The following DCUN1D2 variants were observed in gnomAD, a reference collection of about 807,000 sequenced individuals.
DCUN1D2 encodes defective in cullin neddylation 1 domain containing 2, also known as DCN1-like protein 2.
A neutral mutation model predicts 30.9 loss-of-function variants in DCUN1D2; 29 were observed. The ratio of observed to expected loss-of-function variants is 0.94; its 90% CI spans 0.70 to 1.28. The LOEUF is 1.28. DCUN1D2 is among the 50% of genes most tolerant of loss of function. The probability of loss-of-function intolerance (pLI) is 0.00; values close to 1 mark genes in which losing one functional copy is unlikely to be tolerated. For missense variants in DCUN1D2, 325 were observed against 316.9 expected (o/e 1.03, Z -0.19); for synonymous variants, 121 against 115.3 (o/e 1.05, Z -0.32).
chr13:113,484,028 T>C lies in DCUN1D2; in HGVS notation c.32A>G (p.Lys11Arg), dbSNP rs766096812. MHKLKSSQKD[K>R]VRQFMACTQA... ...AGTGCACGCCATAAACTGGCGGACCTTGTCCTTCTGAGACGATTTAAGCTT... is the reference window on the plus strand; with the variant it reads ...AGTGCACGCCATAAACTGGCGGACCCTGTCCTTCTGAGACGATTTAAGCTT... The change falls in exon 2 of 7, where the codon AAG (lysine) becomes AGG (arginine). Residue 11 changes from lysine (K) to arginine (R), a missense_variant. Lys to Arg is a conservative substitution (Grantham distance 26). Coordinates refer to ENST00000478244, the MANE Select transcript of DCUN1D2 (RefSeq NM_001014283.2). 1.9e-6 allele frequency: 3 copies of C among 1,614,082 alleles called. No homozygotes were observed. Among genetic ancestry groups the C allele is most frequent in the South Asian group, 1.1e-5 (1 of 91,088 alleles).
rs773238030 is a variant in DCUN1D2, at chr13:113,459,347, A to G, written c.665T>C (p.Met222Thr). The change falls in exon 6 of 7, where the codon ATG becomes ACG. Residue 222 changes from methionine (M) to threonine (T), a missense_variant. Coordinates refer to ENST00000478244, the MANE Select transcript of DCUN1D2 (RefSeq NM_001014283.2). ...GTAGTTAGACATATCATCCGCAATC[A>G]TGTTTCCAAAGTCCAGCAGGAGGTT... ...TWNLLLDFGN[M>T]IADDMSNYDE... 6 of 1,604,392 alleles carry G rather than the reference A, an allele frequency of 3.7e-6. No individual in the cohort carries two copies. Among genetic ancestry groups the G allele is most frequent in the Non-Finnish European group, 4.3e-6 (5 of 1,171,506 alleles).
intron 2 of DCUN1D2, among the ~76,000 whole-genome samples, chr13:113,481,506 G>A (rs919892029): frequency 1.3e-5 from 2 of 152,168 alleles, no homozygotes; most frequent in Admixed American, 1.3e-4. Context: ...GAAAGATTAG[G>A]TATGATAAAC....
intron 3 of DCUN1D2, among the ~76,000 whole-genome samples, chr13:113,474,820 T>A (rs982157792): frequency 6.6e-6 from 1 of 152,224 alleles, no homozygotes; most frequent in African/African-American, 2.4e-5. Flanking sequence ...TGTCCCATCA[T>A]ACAAGCGAAA....
In DCUN1D2 at chr13:113,458,065, C is replaced by T. The variant is rs1334480160; in HGVS notation, c.744G>A (p.Arg248=). 8 of 1,614,044 alleles carry T rather than the reference C, an allele frequency of 5.0e-6. No homozygotes were observed. The highest frequency in any genetic ancestry group is 6.8e-6 in the Non-Finnish European group (8 of 1,180,026). ...TGCGTTTTCCACCTGTGACTACTGG[C>T]CGTGCATATTCTACAAAATCATCTA... ...VLIDDFVEYA[R]PVVTGGKRSL... is the part of the protein sequence containing the mutation. Residue 248 remains arginine (R), a synonymous_variant, in exon 7 of 7, where the codon CGG becomes CGA. Coordinates refer to ENST00000478244, the MANE Select transcript of DCUN1D2 (RefSeq NM_001014283.2).
At chr13:113,474,275 T>C (rs1239328613) in intron 3 of DCUN1D2, 21 bp from the exon 4 acceptor site, 5 of 1,611,968 alleles carry the variant, frequency 3.1e-6, no homozygotes, top group East Asian at 4.5e-5. Context: ...AGAGAGTGGT[T>C]TGTCTTGCAG....
intron 2 of DCUN1D2, among the ~76,000 whole-genome samples, chr13:113,482,054 T>C (rs567386047): frequency 3.1e-4 from 47 of 152,328 alleles, no homozygotes; most frequent in Non-Finnish European, 5.4e-4. Context: ...TGAATAGAAA[T>C]ATTGATCTAC....
chr13:113,469,814 G>C (rs2044472001), intron 4 of DCUN1D2, among the ~76,000 whole-genome samples: 1 of 152,140 alleles, frequency 6.6e-6, no homozygotes, highest in Non-Finnish European at 1.5e-5. Context: ...ACTCCAGCCT[G>C]GGCAAGAGAG....
chr13:113,488,319 C>T lies in DCUN1D2; in HGVS notation c.3+2348G>A, dbSNP rs2139753819. ...AGCAAGAGAAGCTTTGGGGTCTAGG[C>T]TTAGTCCATTAACAGGCCTCTGGTC... On this transcript the variant is annotated intron_variant, in intron 1 of 6. Coordinates refer to ENST00000478244, the MANE Select transcript of DCUN1D2 (RefSeq NM_001014283.2). This position sits in a 1 kb window ranked among gnomAD's most constrained non-coding sequence, Gnocchi z 4.3. Among the ~76,000 whole-genome samples, 1 of 152,336 alleles carries T rather than the reference C, an allele frequency of 6.6e-6. No homozygotes were observed. The highest frequency in any genetic ancestry group is 1.5e-5 in the Non-Finnish European group (1 of 68,032).
At chr13:113,475,020 A>G (rs1222479588) in intron 3 of DCUN1D2, among the ~76,000 whole-genome samples, 2 of 152,138 alleles carry the variant, frequency 1.3e-5, no homozygotes, top group East Asian at 3.9e-4. Context: ...CAGTAAAACA[A>G]AGTCTATCTT....
Position 113,456,037 on chromosome 13 carries a change from A to G in DCUN1D2, c.*1992T>C. 2.5e-6 allele frequency: 1 copy of G among 396,660 alleles called. No homozygotes were observed. Among genetic ancestry groups the G allele is most frequent in the Admixed American group, 4.4e-5 (1 of 22,706 alleles). The allele number at this position is 396,660 out of a possible 1,614,324, so 24.6% of individuals were successfully genotyped here. On this transcript the variant is annotated 3_prime_UTR_variant, in exon 7 of 7. Transcript: ENST00000478244. Reference sequence around the variant, plus strand: ...TTATACAGAATTATGTGAATTCTATAAACTTTTCTGAACAAAACAATTACA... The same window carrying G: ...TTATACAGAATTATGTGAATTCTATGAACTTTTCTGAACAAAACAATTACA...
intron 1 of DCUN1D2, among the ~76,000 whole-genome samples, chr13:113,484,821 G>C (rs1000636145): frequency 2.0e-5 from 3 of 152,084 alleles, no homozygotes; most frequent in Non-Finnish European, 4.4e-5. Context: ...GTAACTTGAT[G>C]ATGTAATCCC....
chr13:113,468,505 C>A (rs1480943770), intron 4 of DCUN1D2, among the ~76,000 whole-genome samples: 1 of 152,210 alleles, frequency 6.6e-6, no homozygotes, highest in Non-Finnish European at 1.5e-5. Context: ...TTGAACCGTA[C>A]ACTTAAAAAC....
chr13:113,477,805 T>G (rs979692157), intron 3 of DCUN1D2, among the ~76,000 whole-genome samples: 1 of 152,076 alleles, frequency 6.6e-6, no homozygotes, highest in Non-Finnish European at 1.5e-5. Flanking sequence ...GGTAAATTAA[T>G]TACACCGATT....
At chr13:113,468,310 C>T (rs1204353047) in intron 4 of DCUN1D2, among the ~76,000 whole-genome samples, 1 of 151,924 alleles carries the variant, frequency 6.6e-6, no homozygotes, top group African/African-American at 2.4e-5. Flanking sequence ...ATTCCACTTA[C>T]GTGAGGTCCC....
chr13:113,467,647 T>A (rs1490425311), intron 4 of DCUN1D2, among the ~76,000 whole-genome samples: 1 of 152,162 alleles, frequency 6.6e-6, no homozygotes, highest in African/African-American at 2.4e-5. Context: ...GCTTCGTTGC[T>A]GACAGGAATG....
upstream of DCUN1D2, chr13:113,490,749 G>A (rs1384154251): frequency 2.1e-5 from 24 of 1,148,632 alleles, no homozygotes; most frequent in Admixed American, 1.4e-4. This position sits in a 1 kb window ranked among gnomAD's most constrained non-coding sequence, Gnocchi z 5.2. Context: ...TCCTCGGACG[G>A]CCGCGGCCCT....
intron 2 of DCUN1D2, 100 bp from the exon 3 acceptor site, chr13:113,480,843 T>C (rs1669775634): frequency 4.7e-6 from 6 of 1,271,058 alleles, no homozygotes; most frequent in South Asian, 2.8e-5. Context: ...TACATAGTTC[T>C]AGCAAGCGTG....
intron 3 of DCUN1D2, among the ~76,000 whole-genome samples, chr13:113,479,914 G>A (rs1368052422): frequency 6.6e-6 from 1 of 152,188 alleles, no homozygotes; most frequent in Non-Finnish European, 1.5e-5. Flanking sequence ...CACAGGCAAT[G>A]TATTGTGCTA....
chr13:113,462,618 G>A (rs975395563), intron 4 of DCUN1D2: 26 of 322,378 alleles, frequency 8.1e-5, no homozygotes, highest in Non-Finnish European at 1.1e-4. Flanking sequence ...TAAATTCCCC[G>A]TGTGCAAAGG....
Sources: gnomAD v4.1 joint callset for allele counts (sites outside exome capture counted in the v4.1 genomes callset) on GRCh38, gnomAD v4.1.1 for gene constraint, Gnocchi (gnomAD v3.1) non-coding constraint, MANE v1.5 for transcripts, NCBI Gene and HGNC (gene_info 2026-07-23, HGNC 2026-07-21) for gene names.